Variants in SYNE1 observed in about 807,000 individuals in gnomAD.
SYNE1 encodes the protein spectrin repeat containing nuclear envelope protein 1.
In SYNE1, 616 loss-of-function variants were observed where a neutral mutation model predicts 1,111.0. That is an observed-to-expected ratio of 0.55 (90% CI 0.52 to 0.59). The LOEUF is 0.59. SYNE1 is among the 20% of genes least tolerant of loss of function. The pLI, the probability that SYNE1 is intolerant of heterozygous loss-of-function variation, is 0.00. For synonymous variants in SYNE1, 3,855 were observed against 3,825.8 expected, an observed-to-expected ratio of 1.01 and a Z score of -0.28; for missense variants, 10,006 against 10,417.0, an observed-to-expected ratio of 0.96 and a Z score of 1.72.
intron 21 of SYNE1, 94 bp downstream of exon 21, chr6:152,461,503 T>C (rs1326531069): frequency 1.5e-5 from 22 of 1,493,054 alleles, no homozygotes; most frequent in Non-Finnish European, 6.5e-6. Context: ...CGTTAACAAG[T>C]AAACACTTTG....
Position 152,184,627 on chromosome 6 carries a change from CATATATAG to C in SYNE1, c.23302-4341_23302-4334del, listed in dbSNP as rs1343575776. Reference sequence around the variant, plus strand: ...CTCCACTAAGCAGCTGGATTATACACATATATAGATAGATAGATAGATAGATAGATAGA... The same window carrying C: ...CTCCACTAAGCAGCTGGATTATACACATAGATAGATAGATAGATAGATAGA... On this transcript the variant is annotated intron_variant, in intron 128 of 145. Coordinates refer to ENST00000367255, the MANE Select transcript of SYNE1 (RefSeq NM_182961.4). 3.2e-3 allele frequency among the ~76,000 whole-genome samples: 443 copies of C among 140,180 alleles called. 3 individuals are homozygous for C. The highest frequency in any genetic ancestry group is 4.9e-3 in the Non-Finnish European group (317 of 64,204). 92.0% of individuals were successfully genotyped at this position (140,180 alleles called of 152,430 possible).
chr6:152,526,843 C>T (rs1594712176), intron 4 of SYNE1, among the ~76,000 whole-genome samples: 1 of 152,280 alleles, frequency 6.6e-6, no homozygotes, highest in Non-Finnish European at 1.5e-5. Context: ...AATCTATCAT[C>T]GCTGCTGGAA....
At chr6:152,158,555 A>G (rs2061811771) in intron 131 of SYNE1, among the ~76,000 whole-genome samples, 2 of 152,234 alleles carry the variant, frequency 1.3e-5, no homozygotes, top group African/African-American at 4.8e-5. Context: ...TTATATTTGT[A>G]TAAACAGTCC....
intron 32 of SYNE1, among the ~76,000 whole-genome samples, chr6:152,440,766 C>G (rs1273167252): frequency 1.3e-5 from 2 of 151,894 alleles, no homozygotes; most frequent in Non-Finnish European, 2.9e-5. Flanking sequence ...TGGGGTTTCA[C>G]CATGTTGGTC....
intron 16 of SYNE1, among the ~76,000 whole-genome samples, chr6:152,467,327 T>A (rs1269105496): frequency 1.3e-5 from 2 of 152,042 alleles, no homozygotes; most frequent in African/African-American, 4.8e-5. Context: ...TACAACCCAG[T>A]TGAGAAAAGA....
At chr6:152,226,236 C>G (rs953461589) in intron 115 of SYNE1, among the ~76,000 whole-genome samples, 1 of 152,080 alleles carries the variant, frequency 6.6e-6, no homozygotes, top group Non-Finnish European at 1.5e-5. Context: ...CAAAAAGTTA[C>G]GCTGCCTACC....
At chr6:152,198,305 G>T (rs74990586) in intron 127 of SYNE1, among the ~76,000 whole-genome samples, 9,866 of 152,238 alleles carry the variant, frequency 0.065, 373 homozygotes, top group African/African-American at 0.11. Flanking sequence ...AGAATTAAAG[G>T]GAGTTACGAC....
At chr6:152,300,940 T>C (rs1425695296) in intron 92 of SYNE1, among the ~76,000 whole-genome samples, 159 bp from the exon 93 acceptor site, 1 of 152,228 alleles carries the variant, frequency 6.6e-6, no homozygotes, top group Non-Finnish European at 1.5e-5. Context: ...TATTTAAAAG[T>C]TCTGTCTTCA....
intron 76 of SYNE1, chr6:152,336,381 G>A (rs376984255): frequency 3.3e-4 from 66 of 201,868 alleles, no homozygotes; most frequent in African/African-American, 1.3e-3. Context: ...TTAAAGCAGC[G>A]GTCCCCAAAC....
At chr6:152,367,415 C>T in intron 61 of SYNE1, 33 bp from the exon 62 acceptor site, 3 of 1,611,346 alleles carry the variant, frequency 1.9e-6, no homozygotes, top group Non-Finnish European at 2.5e-6. Context: ...TCGAGCTGTC[C>T]ATCCCACAGA....
In SYNE1 at chr6:152,321,838, C is replaced by A. The variant is rs1207054877; in HGVS notation, c.15966G>T (p.Leu5322=). The A allele has an allele frequency of 3.1e-6, 5 of 1,614,054 alleles. No individual in the cohort carries two copies. In the South Asian group the frequency reaches 5.5e-5, roughly 18 times the overall value. The stretch of plus-strand genomic sequence containing the variant: ...GAGTCTCCACCATTTCTCGGTCCTT[C>A]AGCTCTTGCTTCACCAACTTTCCAT... ...KTNGKLVKQE[L]KDREMVETQI... Residue 5322 remains leucine (L), a synonymous_variant, in exon 83 of 146, where the codon CTG becomes CTT. Coordinates refer to ENST00000367255, the MANE Select transcript of SYNE1 (RefSeq NM_182961.4).
At chr6:152,525,340 T>C (rs1294961712) in intron 5 of SYNE1, among the ~76,000 whole-genome samples, 1 of 152,224 alleles carries the variant, frequency 6.6e-6, no homozygotes, top group Non-Finnish European at 1.5e-5. Flanking sequence ...TTTTGGACTC[T>C]GTGTCTAGTG....
chr6:152,295,611 TACTGACACA>T (rs2094834349), intron 93 of SYNE1, among the ~76,000 whole-genome samples: 1 of 150,126 alleles, frequency 6.7e-6, no homozygotes, highest in Non-Finnish European at 1.5e-5. Context: ...GTGTGTGTGT[TACTGACACA>T]CACACACACA....
At chr6:152,533,988 G>A (rs1034985867) in intron 4 of SYNE1, among the ~76,000 whole-genome samples, 6 of 151,842 alleles carry the variant, frequency 4.0e-5, no homozygotes, top group African/African-American at 1.2e-4. Context: ...GTAAAACCTC[G>A]TCTCTACTTA....
At chr6:152,206,385 A>C (rs1313062781) in intron 125 of SYNE1, 23 bp from the exon 126 acceptor site, 1 of 1,612,422 alleles carries the variant, frequency 6.2e-7, no homozygotes, top group South Asian at 1.1e-5. Context: ...ATAGCTTTTT[A>C]TTTTCTCATT....
At chr6:152,163,140 A>G (rs1463925446) in intron 131 of SYNE1, among the ~76,000 whole-genome samples, 1 of 152,184 alleles carries the variant, frequency 6.6e-6, no homozygotes, top group Non-Finnish European at 1.5e-5. Flanking sequence ...TGGAGTAACA[A>G]TACCTCTAGC....
chr6:152,353,581 C>G lies in SYNE1; in HGVS notation c.11082+8G>C. Reference sequence around the variant, plus strand: ...TGGTCTATGCTGAGCACCTGGTGACCCACTCACCAGCACTTGGAGAAGCAG... The same window carrying G: ...TGGTCTATGCTGAGCACCTGGTGACGCACTCACCAGCACTTGGAGAAGCAG... On this transcript the variant is annotated splice_region_variant and intron_variant, in intron 68 of 145. Transcript: ENST00000367255. 4 of 1,614,156 alleles carry G rather than the reference C, an allele frequency of 2.5e-6. No homozygotes were observed. Among genetic ancestry groups the G allele is most frequent in the Non-Finnish European group, 3.4e-6 (4 of 1,180,034 alleles).
intron 18 of SYNE1, among the ~76,000 whole-genome samples, chr6:152,464,336 A>G (rs886813336): frequency 1.3e-5 from 2 of 152,198 alleles, no homozygotes; most frequent in Non-Finnish European, 2.9e-5. Flanking sequence ...ACTTTCCTAC[A>G]TATATAAATA....
intron 91 of SYNE1, among the ~76,000 whole-genome samples, chr6:152,303,719 T>C (rs1164439835): frequency 6.6e-6 from 1 of 152,214 alleles, no homozygotes; most frequent in Admixed American, 6.5e-5. Context: ...GTAGATGCTA[T>C]GCATTATAAA....
Sources: gnomAD v4.1 joint callset for allele counts (sites outside exome capture counted in the v4.1 genomes callset) on GRCh38, gnomAD v4.1.1 for gene constraint, MANE v1.5 for transcripts, NCBI Gene and HGNC (gene_info 2026-07-23, HGNC 2026-07-21) for gene names.